The following MCMBP variants were observed in gnomAD, a reference collection of about 807,000 sequenced individuals.
The protein encoded by MCMBP is minichromosome maintenance complex binding protein.
A neutral mutation model predicts 81.3 loss-of-function variants in MCMBP; 31 were observed. The observed-to-expected ratio is 0.38, with a 90% CI of 0.29 to 0.51. The LOEUF (loss-of-function observed/expected upper bound fraction) is 0.51. MCMBP is among the 20% of genes least tolerant of loss of function. The probability of loss-of-function intolerance (pLI) is 0.87; values close to 1 mark genes in which losing one functional copy is unlikely to be tolerated. For missense variants in MCMBP, 645 were observed against 772.1 expected, an observed-to-expected ratio of 0.84 and a Z score of 1.95; for synonymous variants, 267 against 275.9, an observed-to-expected ratio of 0.97 and a Z score of 0.32.
chr10:119,857,189 A>G (rs543303961), intron 5 of MCMBP, 149 bp downstream of exon 5: 55 of 519,468 alleles, frequency 1.1e-4, no homozygotes, highest in Admixed American at 2.8e-4. Flanking sequence ...ACTCAGTGAC[A>G]AATACTTAGC....
At chr10:119,866,467 A>G (rs1853458885) in intron 1 of MCMBP, among the ~76,000 whole-genome samples, 2 of 152,194 alleles carry the variant, frequency 1.3e-5, no homozygotes, top group Non-Finnish European at 2.9e-5. Flanking sequence ...CTCTACTAAA[A>G]ATACAAAAAT....
chr10:119,863,469 C>T (rs1436257951), intron 1 of MCMBP, among the ~76,000 whole-genome samples: 4 of 152,080 alleles, frequency 2.6e-5, no homozygotes, highest in Non-Finnish European at 5.9e-5. Context: ...GGGTGGCTCA[C>T]GCCTGTAATC....
At chr10:119,853,260 A>G (rs890524195) in intron 5 of MCMBP, 66 bp from the exon 6 acceptor site, 4 of 1,494,188 alleles carry the variant, frequency 2.7e-6, no homozygotes, top group Non-Finnish European at 3.6e-6. Context: ...TGCTAATTAT[A>G]TGACTTATAA....
In MCMBP at chr10:119,835,627, C is replaced by A. The variant is rs548935223; in HGVS notation, c.1620G>T (p.Ala540=). 2.5e-6 allele frequency: 4 copies of A among 1,614,004 alleles called. No homozygotes were observed. Among genetic ancestry groups the A allele is most frequent in the African/African-American group, 1.3e-5 (1 of 74,908 alleles). Residue 540 remains alanine (A), a synonymous_variant, in exon 14 of 16, where the codon GCG becomes GCT. Coordinates refer to ENST00000369077, the MANE Select transcript of MCMBP (RefSeq NM_001256378.2). ...MEEYMNSLLS[A]VLPSVLNKFR... is the part of the protein sequence containing the mutation. ...ATTTGTTCAGCACGGAAGGCAGCAC[C>A]GCTGAGAGAAGGCTGTTCATGTACT...
At chr10:119,857,572 T>C in intron 4 of MCMBP, 133 bp from the exon 5 acceptor site, 1 of 529,230 alleles carries the variant, frequency 1.9e-6, no homozygotes, top group Middle Eastern at 5.1e-4. Context: ...AAGTAACTAA[T>C]TCCAAACTAT....
intron 13 of MCMBP, 87 bp downstream of exon 13, chr10:119,836,808 CT>C (rs1852264407): frequency 3.7e-6 from 1 of 269,680 alleles, no homozygotes; most frequent in South Asian, 4.4e-5. Context: ...ACAAATGTAA[CT>C]TATTAATAAG....
rs906006176 is a variant in MCMBP, at chr10:119,870,447, A to AG, written c.58+2079_58+2080insC. ...GGGTGACAGTGCGAGACTGTCTCAA[A>AG]AAAAAAAAATGCATATTTCAAAATA... On this transcript the variant is annotated intron_variant, in intron 1 of 15. Transcript: ENST00000369077. 1.6e-4 allele frequency among the ~76,000 whole-genome samples: 25 copies of AG among 152,232 alleles called. No homozygotes were observed. The East Asian group carries it at 3.1e-3, about 19-fold the overall frequency.
upstream of MCMBP, among the ~76,000 whole-genome samples, chr10:119,873,028 C>T (rs1169264533): frequency 6.6e-6 from 1 of 151,866 alleles, no homozygotes; most frequent in Non-Finnish European, 1.5e-5. Context: ...CTGCGCAGCG[C>T]GGGGCCCGGC....
chr10:119,841,506 C>T (rs557550423), intron 10 of MCMBP, among the ~76,000 whole-genome samples: 1 of 152,328 alleles, frequency 6.6e-6, no homozygotes, highest in Admixed American at 6.5e-5. Flanking sequence ...TACTTTGCAG[C>T]CACTACAAAG....
Position 119,840,829 on chromosome 10 carries a change from T to C in MCMBP, c.1242+14A>G. 1 of 1,477,778 alleles carries C rather than the reference T, an allele frequency of 6.8e-7. No homozygotes were observed. Among genetic ancestry groups the C allele is most frequent in the South Asian group, 1.3e-5 (1 of 79,676 alleles). 91.5% of individuals were successfully genotyped at this position (1,477,778 alleles called of 1,614,324 possible). A position where few individuals can be genotyped will look rare whatever the true frequency, so the allele number is the denominator to read the frequency against. ...TGTGCTTAGGTTTATAATACATATT[T>C]ATATTCATCTTACTGCTGGAACAAG... On this transcript the variant is annotated intron_variant, in intron 11 of 15. Coordinates refer to ENST00000369077, the MANE Select transcript of MCMBP (RefSeq NM_001256378.2).
chr10:119,853,027 G>C, intron 6 of MCMBP, 23 bp downstream of exon 6: 1 of 1,613,278 alleles, frequency 6.2e-7, no homozygotes, highest in Non-Finnish European at 8.5e-7. Flanking sequence ...AAAGTCTAGA[G>C]AAAACCTGTT....
intron 1 of MCMBP, among the ~76,000 whole-genome samples, chr10:119,866,433 C>G (rs1000227831): frequency 3.3e-5 from 5 of 152,196 alleles, no homozygotes; most frequent in African/African-American, 1.2e-4. Flanking sequence ...CAAGAGCAGC[C>G]TGACCAACAT....
chr10:119,837,137 G>GT, intron 12 of MCMBP, 108 bp from the exon 13 acceptor site: 1 of 1,136,486 alleles, frequency 8.8e-7, no homozygotes, highest in Admixed American at 2.1e-5. Flanking sequence ...TTTTAATAAA[G>GT]GGTATGAGGC....
intron 8 of MCMBP, among the ~76,000 whole-genome samples, chr10:119,844,346 GAAGT>G (rs1267869445): frequency 2.0e-5 from 3 of 152,176 alleles, no homozygotes; most frequent in Non-Finnish European, 2.9e-5. Context: ...TATAGACACT[GAAGT>G]AATAAATTCA....
chr10:119,835,077 A>G (rs961414623), intron 14 of MCMBP, among the ~76,000 whole-genome samples: 1 of 152,180 alleles, frequency 6.6e-6, no homozygotes, highest in African/African-American at 2.4e-5. Flanking sequence ...CTAAAAGACA[A>G]CTGCAAAAGC....
chr10:119,834,688 CAAAA>C (rs1028304232), intron 14 of MCMBP, among the ~76,000 whole-genome samples: 8 of 151,114 alleles, frequency 5.3e-5, no homozygotes, highest in South Asian at 2.1e-4. Context: ...CCAAACAAAA[CAAAA>C]AAACCCAAAA....
At chr10:119,858,863 A>T in intron 4 of MCMBP, 21 bp downstream of exon 4, 1 of 1,543,680 alleles carries the variant, frequency 6.5e-7, no homozygotes, top group Non-Finnish European at 8.8e-7. Flanking sequence ...AAAATGTTTC[A>T]TATATATTAA....
In MCMBP at chr10:119,838,265, TTATATATTATATATGA is replaced by T. The variant is rs1304193918; in HGVS notation, c.1408+254_1408+269del. Among the ~76,000 whole-genome samples, 8 of 148,078 alleles carry T rather than the reference TTATATATTATATATGA, an allele frequency of 5.4e-5. No individual in the cohort carries two copies. The South Asian group carries it at 6.3e-4, about 12-fold the overall frequency. ...TATATGATATATATTAAATGAGACA[TTATATATTATATATGA>T]TATATATTATATAAGATATATTATA... On this transcript the variant is annotated intron_variant, in intron 12 of 15. Coordinates refer to ENST00000369077, the MANE Select transcript of MCMBP (RefSeq NM_001256378.2).
At chr10:119,853,647 T>C (rs1852913068) in intron 5 of MCMBP, among the ~76,000 whole-genome samples, 1 of 152,158 alleles carries the variant, frequency 6.6e-6, no homozygotes, top group Admixed American at 6.6e-5. Context: ...AGAAAGGAAG[T>C]AGTTACGGAT....
Sources: gnomAD v4.1 joint callset for allele counts (sites outside exome capture counted in the v4.1 genomes callset) on GRCh38, gnomAD v4.1.1 for gene constraint, MANE v1.5 for transcripts, NCBI Gene and HGNC (gene_info 2026-07-23, HGNC 2026-07-21) for gene names.